Variants in CD82 observed in about 807,000 individuals in gnomAD.
CD82 encodes the protein CD82 molecule.
CD82 carries 36 observed loss-of-function variants against 37.4 expected under a neutral mutation model. That is an observed-to-expected ratio of 0.96 (90% CI 0.74 to 1.27). The LOEUF is 1.27. Among genes scored for constraint, CD82 ranks in the 50% most tolerant of loss-of-function variants. CD82 has a pLI of 0.00. For synonymous variants in CD82, 158 were observed against 137.4 expected (o/e 1.15, Z -1.05); for missense variants, 340 against 347.0 (o/e 0.98, Z 0.16).
intron 6 of CD82, among the ~76,000 whole-genome samples, chr11:44,613,315 C>T (rs1180166017): frequency 6.6e-6 from 1 of 152,228 alleles, no homozygotes; most frequent in Non-Finnish European, 1.5e-5. Context: ...GGAGGCTCCC[C>T]TCCCACCCAG....
At chr11:44,587,424 C>A in intron 1 of CD82, 51 bp from the exon 2 acceptor site, 1 of 456,256 alleles carries the variant, frequency 2.2e-6, no homozygotes, top group South Asian at 1.5e-5. Context: ...AGCCACATTG[C>A]CTTTGGAGAG....
At position 44,590,610 on chromosome 11, in the gene CD82, CAA is replaced by C. The variant is rs56665683; in HGVS notation, c.-21+3073_-21+3074del. On this transcript the variant is annotated intron_variant, in intron 2 of 9. Transcript: ENST00000227155. ...TGGGCAACAGAGGGAGATTCTGTCT[CAA>C]AAAAAAAAAAAAAAAAAAGATGAAA... Among the ~76,000 whole-genome samples, 32 of 33,456 alleles carry C rather than the reference CAA, an allele frequency of 9.6e-4. 1 individual carries two copies. Among genetic ancestry groups the C allele is most frequent in the African/African-American group, 2.2e-3 (21 of 9,586 alleles). 21.9% of individuals were successfully genotyped at this position (33,456 alleles called of 152,430 possible).
At chr11:44,569,108 G>A (rs746578162) in intron 1 of CD82, among the ~76,000 whole-genome samples, 139 of 152,352 alleles carry the variant, frequency 9.1e-4, no homozygotes, top group Non-Finnish European at 5.7e-4. Flanking sequence ...GACAGGACCC[G>A]TTTAATCTCA....
chr11:44,572,300 A>G (rs1006367291), intron 1 of CD82, among the ~76,000 whole-genome samples: 33 of 152,254 alleles, frequency 2.2e-4, no homozygotes, highest in African/African-American at 8.0e-4. Flanking sequence ...ACAATTATAT[A>G]GATTAGATTA....
At chr11:44,618,113 G>A in intron 7 of CD82, 49 bp from the exon 8 acceptor site, 2 of 1,574,078 alleles carry the variant, frequency 1.3e-6, no homozygotes, top group Non-Finnish European at 1.7e-6. Context: ...AGGGCAGCCT[G>A]CCTAGGGTGA....
chr11:44,577,348 C>T (rs570231601), intron 1 of CD82, among the ~76,000 whole-genome samples: 28 of 152,272 alleles, frequency 1.8e-4, no homozygotes, highest in African/African-American at 6.7e-4. Flanking sequence ...TTCCTCCTGT[C>T]TTCCTCATTC....
intron 4 of CD82, among the ~76,000 whole-genome samples, chr11:44,600,609 A>T (rs1853293930): frequency 6.6e-6 from 1 of 152,186 alleles, no homozygotes; most frequent in African/African-American, 2.4e-5. Flanking sequence ...GGATGTAGGA[A>T]AGATAGTCAG....
intron 2 of CD82, among the ~76,000 whole-genome samples, chr11:44,590,431 A>AC (rs1252973784): frequency 2.7e-5 from 4 of 150,730 alleles, no homozygotes; most frequent in African/African-American, 7.3e-5. Flanking sequence ...ACACAGTGAA[A>AC]CCCGTCTCTA....
intron 6 of CD82, among the ~76,000 whole-genome samples, chr11:44,613,143 G>A (rs936171136): frequency 9.9e-5 from 15 of 152,182 alleles, no homozygotes; most frequent in African/African-American, 2.4e-4. Flanking sequence ...TCCTTCTCAG[G>A]AACCGAGGTG....
intron 3 of CD82, among the ~76,000 whole-genome samples, chr11:44,595,926 A>AT (rs1853218240): frequency 6.6e-6 from 1 of 151,714 alleles, no homozygotes. Flanking sequence ...AAAAAAAAAA[A>AT]AAAAAGAATT....
At chr11:44,581,951 C>T (rs1431309946) in intron 1 of CD82, among the ~76,000 whole-genome samples, 3 of 152,224 alleles carry the variant, frequency 2.0e-5, no homozygotes, top group South Asian at 2.1e-4. Flanking sequence ...GCCCCACCCC[C>T]GGATGCTCTG....
intron 6 of CD82, among the ~76,000 whole-genome samples, chr11:44,611,358 G>C (rs1367925922): frequency 6.6e-6 from 1 of 152,196 alleles, no homozygotes; most frequent in Non-Finnish European, 1.5e-5. Flanking sequence ...CGGGCAGGCT[G>C]TCCCCAGTGG....
chr11:44,565,774 A>C (rs1852724347), intron 1 of CD82, 38 bp downstream of exon 1: 1 of 152,316 alleles, frequency 6.6e-6, no homozygotes, highest in Non-Finnish European at 1.5e-5. Context: ...AGCCTGCCGG[A>C]CAACCATAGG....
chr11:44,569,452 T>C (rs1165463282), intron 1 of CD82, among the ~76,000 whole-genome samples: 2 of 152,198 alleles, frequency 1.3e-5, no homozygotes, highest in Non-Finnish European at 2.9e-5. Context: ...AGTTGGCTGC[T>C]GCTCTGCTGT....
intron 1 of CD82, among the ~76,000 whole-genome samples, chr11:44,576,548 C>T (rs1237579148): frequency 2.6e-5 from 4 of 152,150 alleles, no homozygotes; most frequent in African/African-American, 7.2e-5. Flanking sequence ...CACGCAGAGA[C>T]GGTCAGCCCA....
In CD82 at chr11:44,569,546, C is replaced by A. The variant is rs558613829; in HGVS notation, c.-103+3810C>A. On this transcript the variant is annotated intron_variant, in intron 1 of 9. Coordinates refer to ENST00000227155, the MANE Select transcript of CD82 (RefSeq NM_002231.4). ...CTGATGCCCCATTCTTTCCTTGGCT[C>A]TCGGGGAGTTCTGGGACCTGGGATC... is the stretch of plus-strand genomic sequence containing the variant. Among the ~76,000 whole-genome samples, 4 of 152,200 alleles carry A rather than the reference C, an allele frequency of 2.6e-5. No individual in the cohort carries two copies. The South Asian group carries it at 6.2e-4, about 24-fold the overall frequency.
At chr11:44,614,481 G>A (rs935566086) in intron 6 of CD82, among the ~76,000 whole-genome samples, 2 of 152,246 alleles carry the variant, frequency 1.3e-5, no homozygotes, top group Non-Finnish European at 2.9e-5. Context: ...TTCTGTGCCA[G>A]GCTTGGCGCT....
At chr11:44,591,632 A>G (rs1853146520) in intron 2 of CD82, among the ~76,000 whole-genome samples, 1 of 152,088 alleles carries the variant, frequency 6.6e-6, no homozygotes, top group South Asian at 2.1e-4. Context: ...AACCACTGCC[A>G]CTTATGACCT....
intron 1 of CD82, among the ~76,000 whole-genome samples, chr11:44,579,514 C>T (rs1852950170): frequency 6.6e-6 from 1 of 152,092 alleles, no homozygotes. Flanking sequence ...TCCCTTCACC[C>T]TTGAGTCTAT....
Sources: gnomAD v4.1 joint callset for allele counts (sites outside exome capture counted in the v4.1 genomes callset) on GRCh38, gnomAD v4.1.1 for gene constraint, MANE v1.5 for transcripts, NCBI Gene and HGNC (gene_info 2026-07-23, HGNC 2026-07-21) for gene names.